Variants in CAND2 observed in about 807,000 individuals in gnomAD.
The protein encoded by CAND2 is cullin associated and neddylation dissociated 2 (putative).
A neutral mutation model predicts 98.9 loss-of-function variants in CAND2; 62 were observed. The ratio of observed to expected loss-of-function variants is 0.63; its 90% CI spans 0.51 to 0.77. CAND2 has a LOEUF of 0.77. Ranked by LOEUF, CAND2 falls within the 30% of genes least tolerant of loss-of-function variation. The probability of loss-of-function intolerance (pLI) is 0.00; values close to 1 mark genes in which losing one functional copy is unlikely to be tolerated. For missense variants in CAND2, 1,501 were observed against 1,655.2 expected (o/e 0.91, Z 1.62); for synonymous variants, 770 against 731.9 (o/e 1.05, Z -0.84).
At chr3:12,810,468 C>T in intron 5 of CAND2, 144 bp downstream of exon 5, 1 of 131,620 alleles carries the variant, frequency 7.6e-6, no homozygotes, top group Non-Finnish European at 1.4e-5. Context: ...GAGGATGGGG[C>T]GGGGCCTGGG....
intron 11 of CAND2, among the ~76,000 whole-genome samples, chr3:12,824,825 T>C (rs1276756049): frequency 6.6e-6 from 1 of 152,108 alleles, no homozygotes; most frequent in East Asian, 1.9e-4. Flanking sequence ...GGAGAATCGC[T>C]TGAACCTGAG....
rs184777507 is a variant in CAND2 at position 12,814,796 on chromosome 3, G to A, written c.1007-345G>A. 1.2e-3 allele frequency among the ~76,000 whole-genome samples: 181 copies of A among 152,278 alleles called. 1 individual carries two copies. The highest frequency in any genetic ancestry group is 4.0e-3 in the African/African-American group (168 of 41,538). ...CAATTAAGGGTCTGGAGGCAGAGGG[G>A]AGGACCCTAGTTTAACTCCAAGTAT... On this transcript the variant is annotated intron_variant, in intron 7 of 14. Transcript: ENST00000456430.
chr3:12,816,282 T>C (rs943408918), intron 9 of CAND2, 92 bp from the exon 10 acceptor site: 1 of 1,291,066 alleles, frequency 7.7e-7, no homozygotes, highest in Non-Finnish European at 1.1e-6. Flanking sequence ...TCAGTCCAGC[T>C]CAGGCACTTG....
At chr3:12,819,674 C>T (rs746881841) in intron 10 of CAND2, among the ~76,000 whole-genome samples, 4 of 152,140 alleles carry the variant, frequency 2.6e-5, no homozygotes, top group Non-Finnish European at 4.4e-5. Context: ...TCTCTCTTTC[C>T]TCATATGTCA....
Position 12,834,725 on chromosome 3 carries a change from T to C in CAND2, c.*743T>C, listed in dbSNP as rs954823883. 4 of 152,230 alleles carry C rather than the reference T, an allele frequency of 2.6e-5. No homozygotes were observed. The highest frequency in any genetic ancestry group is 4.8e-5 in the African/African-American group (2 of 41,446). The allele number at this position is 152,230 out of a possible 1,614,324, so 9.4% of individuals were successfully genotyped here. On this transcript the variant is annotated 3_prime_UTR_variant, in exon 15 of 15. Transcript: ENST00000456430. ...TTCAAATGTGTCTAGTGTTCAGTAT[T>C]GAGGACAAAGAAATACAAGTGGCAG...
At position 12,815,938 on chromosome 3, in the gene CAND2, C is replaced by T. The variant is rs1488241820; in HGVS notation, c.1371C>T (p.Phe457=). The change falls in exon 9 of 15, where the codon TTC becomes TTT. Residue 457 remains phenylalanine (F), a synonymous_variant. Coordinates refer to ENST00000456430, the MANE Select transcript of CAND2 (RefSeq NM_001162499.2). The surrounding 1 kb of genome is among the most constrained non-coding windows in gnomAD (Gnocchi z 5.7). ...GCGTCAGAGCCCGCCAGGGATGCTT[C>T]AGCCTCCTCACCGAGCTGGCGGGTG... ...DRSVRARQGC[F]SLLTELAGVL... 1.2e-6 allele frequency: 2 copies of T among 1,613,746 alleles called. No homozygotes were observed. The highest frequency in any genetic ancestry group is 1.1e-5 in the South Asian group (1 of 91,080).
chr3:12,817,677 GCACT>G lies in CAND2; in HGVS notation c.2752_2755del (p.Leu918GlyfsTer12). ...AGCCCCGACGACAGTACCTGCTGCT[GCACT>G]CACTCAGGGAGGCCCTGGGGGCCGC... On this transcript the variant is annotated frameshift_variant, in exon 10 of 15. Transcript: ENST00000456430. LOFTEE classifies it high-confidence loss of function. 3.1e-6 allele frequency: 5 copies of G among 1,609,078 alleles called. No homozygotes were observed. The highest frequency in any genetic ancestry group is 1.1e-5 in the South Asian group (1 of 90,222).
chr3:12,797,495 C>T (rs758169437), intron 1 of CAND2, among the ~76,000 whole-genome samples: 3 of 152,000 alleles, frequency 2.0e-5, no homozygotes, highest in Non-Finnish European at 4.4e-5. Flanking sequence ...CTTCCCCACT[C>T]CCTTTTTCCT....
intron 4 of CAND2, 151 bp from the exon 5 acceptor site, chr3:12,809,908 C>A: frequency 5.0e-6 from 4 of 800,922 alleles, no homozygotes; most frequent in Non-Finnish European, 7.2e-6. Context: ...AAAATAATTC[C>A]TCCTCACAGT....
At chr3:12,799,557 A>G (rs1339952487) in intron 1 of CAND2, among the ~76,000 whole-genome samples, 4 of 152,068 alleles carry the variant, frequency 2.6e-5, no homozygotes, top group African/African-American at 9.7e-5. Flanking sequence ...TGGTTTCTGA[A>G]TTCGGACTAT....
At chr3:12,818,756 A>C (rs955040096) in intron 10 of CAND2, among the ~76,000 whole-genome samples, 4 of 152,170 alleles carry the variant, frequency 2.6e-5, no homozygotes, top group African/African-American at 9.7e-5. Context: ...TGCTGTTGTT[A>C]CTAGGTAGGT....
At position 12,827,499 on chromosome 3, in the gene CAND2, C is replaced by T. The variant is rs777918076; in HGVS notation, c.3270C>T (p.Ala1090=). Residue 1090 remains alanine (A), a synonymous_variant, in exon 13 of 15, where the codon GCC becomes GCT. Coordinates refer to ENST00000456430, the MANE Select transcript of CAND2 (RefSeq NM_001162499.2). ...VDDGLDVRKA[A]FECMYSLLES... ...ATGGGCTGGACGTGCGGAAGGCGGC[C>T]TTTGAATGCATGTATTCACTGCTTG... 2.5e-6 allele frequency: 4 copies of T among 1,614,064 alleles called. No homozygotes were observed. Among genetic ancestry groups the T allele is most frequent in the Non-Finnish European group, 8.5e-7 (1 of 1,180,014 alleles).
In CAND2 at chr3:12,815,011, A is replaced by C; in HGVS notation, c.1007-130A>C. On this transcript the variant is annotated intron_variant, in intron 7 of 14. Transcript: ENST00000456430. This position sits in a 1 kb window ranked among gnomAD's most constrained non-coding sequence, Gnocchi z 5.7. ...AGGTAGGGAATGTTCCCCATAGGGT[A>C]TCTATAAATGCTGATCATCAAAAAG... 1 of 827,794 alleles carries C rather than the reference A, an allele frequency of 1.2e-6. No individual in the cohort carries two copies. Among genetic ancestry groups the C allele is most frequent in the Non-Finnish European group, 1.9e-6 (1 of 528,608 alleles). 51.3% of individuals were successfully genotyped at this position (827,794 alleles called of 1,614,324 possible). A position where few individuals can be genotyped will look rare whatever the true frequency, so the allele number is the denominator to read the frequency against.
rs764806338 is a variant in CAND2, at chr3:12,796,713, C to A, written c.-8C>A. The A allele has an allele frequency of 6.4e-7, 1 of 1,572,892 alleles. No homozygotes were observed. Among genetic ancestry groups the A allele is most frequent in the Non-Finnish European group, 8.6e-7 (1 of 1,160,056 alleles). On this transcript the variant is annotated 5_prime_UTR_variant, in exon 1 of 15. Coordinates refer to ENST00000456430, the MANE Select transcript of CAND2 (RefSeq NM_001162499.2). ...TCCCGCCGGCCGGCTCCGCGGCGCG[C>A]AGCCACCATGAGCACCGCCGCCTTC...
chr3:12,823,744 CAAA>C (rs1383229156), intron 11 of CAND2, among the ~76,000 whole-genome samples: 2 of 143,504 alleles, frequency 1.4e-5, no homozygotes, highest in African/African-American at 5.2e-5. Context: ...AAAAAAACAA[CAAA>C]AAAACGGGGT....
chr3:12,808,720 C>A (rs1283881340), intron 4 of CAND2, among the ~76,000 whole-genome samples: 1 of 152,152 alleles, frequency 6.6e-6, no homozygotes, highest in Admixed American at 6.6e-5. Context: ...CCCAGTCCAG[C>A]TGGGAGTGAG....
intron 2 of CAND2, 44 bp downstream of exon 2, chr3:12,803,675 G>A: frequency 6.5e-7 from 1 of 1,528,052 alleles, no homozygotes; most frequent in South Asian, 1.3e-5. Context: ...GCCCTACCTT[G>A]TGTGGGAGCA....
intron 11 of CAND2, among the ~76,000 whole-genome samples, chr3:12,822,660 G>A (rs1041349525): frequency 1.3e-5 from 2 of 152,110 alleles, no homozygotes; most frequent in Admixed American, 1.3e-4. Flanking sequence ...GATTCATTGC[G>A]AACCTCTCCT....
intron 10 of CAND2, among the ~76,000 whole-genome samples, chr3:12,818,498 G>C (rs2061928353): frequency 6.6e-6 from 1 of 152,246 alleles, no homozygotes; most frequent in African/African-American, 2.4e-5. Context: ...GAACCAGGAG[G>C]GGCAGGCGTT....
Sources: gnomAD v4.1 joint callset for allele counts (sites outside exome capture counted in the v4.1 genomes callset) on GRCh38, gnomAD v4.1.1 for gene constraint, Gnocchi (gnomAD v3.1) non-coding constraint, MANE v1.5 for transcripts, NCBI Gene and HGNC (gene_info 2026-07-23, HGNC 2026-07-21) for gene names.